Variants in KLHL29 observed in about 807,000 individuals in gnomAD.
KLHL29 encodes the protein kelch like family member 29.
KLHL29 carries 21 observed loss-of-function variants against 80.4 expected under a neutral mutation model. The ratio of observed to expected loss-of-function variants is 0.26; its 90% CI spans 0.19 to 0.38. KLHL29 has a LOEUF of 0.38. Ranked by LOEUF, KLHL29 falls within the 10% of genes least tolerant of loss-of-function variation. KLHL29 has a pLI of 1.00. For synonymous variants in KLHL29, 511 were observed against 526.8 expected (o/e 0.97, Z 0.41); for missense variants, 867 against 1,223.9 (o/e 0.71, Z 4.35).
intron 1 of KLHL29, among the ~76,000 whole-genome samples, chr2:23,443,299 A>G (rs1166533783): frequency 6.6e-6 from 1 of 152,236 alleles, no homozygotes; most frequent in Admixed American, 6.5e-5. Flanking sequence ...CTATAGGGAC[A>G]TTCTCCTGCT....
rs181081905 is a variant in KLHL29, at chr2:23,543,901, C to T, written c.-45-18251C>T. Among the ~76,000 whole-genome samples the T allele has an allele frequency of 1.3e-4, 20 of 152,292 alleles. No homozygotes were observed. The East Asian group carries it at 3.9e-3, about 29-fold the overall frequency. On this transcript the variant is annotated intron_variant, in intron 2 of 13. Coordinates refer to ENST00000486442, the MANE Select transcript of KLHL29 (RefSeq NM_052920.2). ...GGGGGAACTGGCAAGCCTGCCCACC[C>T]CGGGCTGGTGATGTCATCTCCCAGG... is the stretch of plus-strand genomic sequence containing the variant.
At chr2:23,482,515 A>G (rs1664823807) in intron 2 of KLHL29, among the ~76,000 whole-genome samples, 1 of 152,176 alleles carries the variant, frequency 6.6e-6, no homozygotes, top group Non-Finnish European at 1.5e-5. Flanking sequence ...TAACTTGCAC[A>G]AAAGCATCCA....
intron 3 of KLHL29, among the ~76,000 whole-genome samples, chr2:23,605,494 C>A (rs1365605911): frequency 6.6e-6 from 1 of 152,112 alleles, no homozygotes; most frequent in African/African-American, 2.4e-5. Flanking sequence ...GAACACAGCC[C>A]CCGGCGCCCC....
chr2:23,389,009 T>TA (rs143058381), intron 1 of KLHL29, among the ~76,000 whole-genome samples: 1 of 98,136 alleles, frequency 1.0e-5, no homozygotes, highest in Non-Finnish European at 2.3e-5. Flanking sequence ...TTTTTTTTTT[T>TA]AAAATCCCAG....
chr2:23,461,444 G>C (rs1174387010), intron 1 of KLHL29, among the ~76,000 whole-genome samples: 1 of 152,186 alleles, frequency 6.6e-6, no homozygotes, highest in East Asian at 1.9e-4. Context: ...TATGCCTCTA[G>C]CCTTAAAGAG....
intron 3 of KLHL29, among the ~76,000 whole-genome samples, chr2:23,590,645 G>A (rs1018331441): frequency 8.5e-5 from 13 of 152,250 alleles, no homozygotes; most frequent in Non-Finnish European, 1.9e-4. Context: ...CAGAGGCTGC[G>A]GATCCATCCC....
chr2:23,390,327 CA>C (rs1271071529), intron 1 of KLHL29, among the ~76,000 whole-genome samples: 1 of 152,148 alleles, frequency 6.6e-6, no homozygotes, highest in Non-Finnish European at 1.5e-5. Context: ...TGTGCAGCTG[CA>C]AATGATGACT....
At chr2:23,455,802 C>T (rs1276590509) in intron 1 of KLHL29, among the ~76,000 whole-genome samples, 1 of 152,016 alleles carries the variant, frequency 6.6e-6, no homozygotes, top group African/African-American at 2.4e-5. Context: ...CACAGTTAGG[C>T]ACTGAATTGT....
In KLHL29 at chr2:23,471,594, C is replaced by A. The variant is rs1572341615; in HGVS notation, c.-153-3966C>A. On this transcript the variant is annotated intron_variant, in intron 1 of 13. Coordinates refer to ENST00000486442, the MANE Select transcript of KLHL29 (RefSeq NM_052920.2). ...TGGGAAGCTGAAAGTCCTAAGACCC[C>A]TTTCACAAGCAGTGACTGACTACCT... is the stretch of plus-strand genomic sequence containing the variant. Among the ~76,000 whole-genome samples the A allele has an allele frequency of 1.3e-5, 2 of 152,146 alleles. 1 individual carries two copies. Among genetic ancestry groups the A allele is most frequent in the East Asian group, 3.9e-4 (2 of 5,192 alleles).
At chr2:23,705,274 C>T (rs545092666) in intron 13 of KLHL29, among the ~76,000 whole-genome samples, 12 of 152,254 alleles carry the variant, frequency 7.9e-5, no homozygotes, top group East Asian at 5.8e-4. Flanking sequence ...GAATGGATCA[C>T]GAGGTCAGGA....
At chr2:23,590,483 C>G (rs576908000) in intron 3 of KLHL29, among the ~76,000 whole-genome samples, 1 of 152,248 alleles carries the variant, frequency 6.6e-6, no homozygotes, top group South Asian at 2.1e-4. Flanking sequence ...TGTGGGTTGA[C>G]GTGGAAGACC....
chr2:23,660,758 G>T (rs887003741), intron 5 of KLHL29, among the ~76,000 whole-genome samples: 4 of 152,190 alleles, frequency 2.6e-5, no homozygotes, highest in Non-Finnish European at 5.9e-5. Flanking sequence ...GGGCACAGTG[G>T]CTCACACCTG....
intron 2 of KLHL29, among the ~76,000 whole-genome samples, chr2:23,520,369 A>G (rs1172466817): frequency 6.6e-6 from 1 of 152,176 alleles, no homozygotes; most frequent in Non-Finnish European, 1.5e-5. Flanking sequence ...GAGGGAAAGG[A>G]GCCTGAAGGG....
chr2:23,560,242 A>G (rs1667413224), intron 2 of KLHL29, among the ~76,000 whole-genome samples: 1 of 143,674 alleles, frequency 7.0e-6, no homozygotes, highest in Non-Finnish European at 1.5e-5. Context: ...TTTATTTTTT[A>G]ACCATGTAAT....
chr2:23,683,068 A>G, intron 5 of KLHL29, among the ~76,000 whole-genome samples: 1 of 152,228 alleles, frequency 6.6e-6, no homozygotes, highest in East Asian at 1.9e-4. Flanking sequence ...CTCAATCCCC[A>G]TTTTACAGAT....
intron 1 of KLHL29, among the ~76,000 whole-genome samples, chr2:23,464,694 C>T (rs984731732): frequency 6.6e-6 from 1 of 152,158 alleles, no homozygotes; most frequent in Non-Finnish European, 1.5e-5. Flanking sequence ...ATCCTTCTTT[C>T]CTATAACCCA....
intron 1 of KLHL29, among the ~76,000 whole-genome samples, chr2:23,411,633 AC>A (rs1666863156): frequency 6.6e-6 from 1 of 152,194 alleles, no homozygotes; most frequent in African/African-American, 2.4e-5. Context: ...GGGAGATGAG[AC>A]AAAAATATCC....
intron 1 of KLHL29, among the ~76,000 whole-genome samples, chr2:23,454,785 C>T (rs569011780): frequency 4.1e-5 from 6 of 145,918 alleles, no homozygotes; most frequent in Non-Finnish European, 8.9e-5. Flanking sequence ...CAGATCTCTT[C>T]CTCAATGATT....
At chr2:23,497,041 C>T (rs551797161) in intron 2 of KLHL29, among the ~76,000 whole-genome samples, 42 of 150,094 alleles carry the variant, frequency 2.8e-4, no homozygotes, top group African/African-American at 9.8e-4. Flanking sequence ...ATAAGAATCA[C>T]GAGTTTCTCC....
Sources: gnomAD v4.1 joint callset for allele counts (sites outside exome capture counted in the v4.1 genomes callset) on GRCh38, gnomAD v4.1.1 for gene constraint, MANE v1.5 for transcripts, NCBI Gene and HGNC (gene_info 2026-07-23, HGNC 2026-07-21) for gene names.